The following AIG1 variants were observed in gnomAD, a reference collection of about 807,000 sequenced individuals.
AIG1 encodes androgen-induced gene 1 protein.
Under a neutral mutation model 31.4 loss-of-function variants are expected in AIG1, and 23 were observed. That is an observed-to-expected ratio of 0.73 (90% CI 0.53 to 1.04). The LOEUF is 1.04. AIG1 is among the 50% of genes least tolerant of loss of function. The pLI is 0.00. For synonymous variants in AIG1, 100 were observed against 110.5 expected (o/e 0.90, Z 0.60); for missense variants, 274 against 295.0 (o/e 0.93, Z 0.52).
chr6:143,119,219 A>G (rs541994208), intron 1 of AIG1, among the ~76,000 whole-genome samples: 16 of 152,260 alleles, frequency 1.1e-4, no homozygotes, highest in African/African-American at 2.4e-4. Flanking sequence ...CACGCTGGCT[A>G]TGTGGGGATT....
chr6:143,136,444 A>G (rs528351748), intron 1 of AIG1, among the ~76,000 whole-genome samples: 8 of 152,320 alleles, frequency 5.3e-5, no homozygotes, highest in Admixed American at 3.3e-4. Context: ...AAAACTCACT[A>G]GTTATATTGA....
intron 3 of AIG1, among the ~76,000 whole-genome samples, chr6:143,224,852 G>A (rs1792814047): frequency 6.6e-6 from 1 of 152,020 alleles, no homozygotes; most frequent in Admixed American, 6.6e-5. Context: ...CAGGTTCCTT[G>A]CCTTCCATTT....
downstream of AIG1, among the ~76,000 whole-genome samples, chr6:143,343,701 G>A (rs1777902343): frequency 6.6e-6 from 1 of 152,186 alleles, no homozygotes; most frequent in Non-Finnish European, 1.5e-5. Context: ...GTGTATGTGT[G>A]TGTGTGTGCA....
At chr6:143,227,107 C>T (rs1330674576) in intron 3 of AIG1, among the ~76,000 whole-genome samples, 1 of 151,734 alleles carries the variant, frequency 6.6e-6, no homozygotes, top group Non-Finnish European at 1.5e-5. Flanking sequence ...ATTGGACACC[C>T]ATGTCCTAAA....
Position 143,297,178 on chromosome 6 carries a change from G to A in AIG1, c.515+12953G>A, listed in dbSNP as rs1798484447. On this transcript the variant is annotated intron_variant, in intron 4 of 5. Coordinates refer to ENST00000357847, the MANE Select transcript of AIG1 (RefSeq NM_016108.4). This position sits in a 1 kb window ranked among gnomAD's most constrained non-coding sequence, Gnocchi z 5.1. Reference sequence around the variant, plus strand: ...TCCCGGAGGAAATGACATGTAAGCTGCCTCTTGGAGGGTGAATAAGAGTTA... The same window carrying A: ...TCCCGGAGGAAATGACATGTAAGCTACCTCTTGGAGGGTGAATAAGAGTTA... 6.6e-6 allele frequency among the ~76,000 whole-genome samples: 1 copy of A among 152,184 alleles called. No homozygotes were observed. Among genetic ancestry groups the A allele is most frequent in the African/African-American group, 2.4e-5 (1 of 41,440 alleles).
chr6:143,177,314 G>T lies in AIG1; in HGVS notation c.399+12131G>T, dbSNP rs1788264755. Among the ~76,000 whole-genome samples, 3 of 152,254 alleles carry T rather than the reference G, an allele frequency of 2.0e-5. No individual in the cohort carries two copies. The South Asian group carries it at 6.2e-4, about 32-fold the overall frequency. On this transcript the variant is annotated intron_variant, in intron 3 of 5. Transcript: ENST00000357847. ...TTAGATTGGTTTTCCTTTGGGGTCT[G>T]TTACTTAGAGAATTGTTGTGTTCTT...
chr6:143,315,508 A>G lies in AIG1; in HGVS notation c.516-17774A>G, dbSNP rs182472142. On this transcript the variant is annotated intron_variant, in intron 4 of 5. Transcript: ENST00000357847. Reference sequence around the variant, plus strand: ...AATGGAACAAAATAAAGAGCTAGAAATAGACTCTCACAAATGTAGGCAACT... The same window carrying G: ...AATGGAACAAAATAAAGAGCTAGAAGTAGACTCTCACAAATGTAGGCAACT... Among the ~76,000 whole-genome samples the G allele has an allele frequency of 2.0e-5, 3 of 152,254 alleles. 1 individual carries two copies. Among genetic ancestry groups the G allele is most frequent in the Admixed American group, 1.3e-4 (2 of 15,276 alleles).
At chr6:143,133,236 G>T (rs567964315) in intron 1 of AIG1, among the ~76,000 whole-genome samples, 33 of 151,952 alleles carry the variant, frequency 2.2e-4, no homozygotes, top group Non-Finnish European at 4.7e-4. Context: ...TTGTTTGAGG[G>T]CTATTTTTAA....
chr6:143,196,388 CACACA>C (rs1790239882), intron 3 of AIG1, among the ~76,000 whole-genome samples: 5 of 150,918 alleles, frequency 3.3e-5, no homozygotes, highest in Non-Finnish European at 5.9e-5. Context: ...CACACACACA[CACACA>C]CACCCCAATT....
intron 4 of AIG1, among the ~76,000 whole-genome samples, chr6:143,323,641 A>G (rs1776392902): frequency 6.6e-6 from 1 of 152,004 alleles, no homozygotes; most frequent in African/African-American, 2.4e-5. Context: ...CCCTGTTTCC[A>G]TCTAAGCTGA....
At chr6:143,265,493 CT>C (rs1796093119) in intron 3 of AIG1, among the ~76,000 whole-genome samples, 1 of 152,122 alleles carries the variant, frequency 6.6e-6, no homozygotes, top group Non-Finnish European at 1.5e-5. Flanking sequence ...CCCTCTTCCC[CT>C]CTCTCTGCCC....
upstream of AIG1, among the ~76,000 whole-genome samples, chr6:143,059,472 A>C (rs1298824081): frequency 6.6e-6 from 1 of 152,182 alleles, no homozygotes; most frequent in East Asian, 1.9e-4. Flanking sequence ...GTTTATAACC[A>C]TGTACCAAGG....
chr6:143,135,775 A>G (rs546440265), intron 1 of AIG1, among the ~76,000 whole-genome samples: 3 of 152,294 alleles, frequency 2.0e-5, no homozygotes, highest in African/African-American at 4.8e-5. Flanking sequence ...TCTACTGCCA[A>G]TGAGGAAATT....
rs1461612564 is a variant in AIG1 at position 143,299,425 on chromosome 6, C to T, written c.515+15200C>T. On this transcript the variant is annotated intron_variant, in intron 4 of 5. Transcript: ENST00000357847. The surrounding 1 kb of genome is among the most constrained non-coding windows in gnomAD (Gnocchi z 4.1). ...ATCTAAGTCTACCAGCAGTATATGA[C>T]CAGAAGCATTACAGGAACAGCATGG... The T allele has an allele frequency of 6.6e-6, 1 of 152,146 alleles. No individual in the cohort carries two copies. Among genetic ancestry groups the T allele is most frequent in the Admixed American group, 6.5e-5 (1 of 15,274 alleles). 9.4% of individuals were successfully genotyped at this position (152,146 alleles called of 1,614,324 possible).
At chr6:143,155,013 A>ATTTTTTTTTTT (rs61017846) in intron 2 of AIG1, among the ~76,000 whole-genome samples, 7 of 123,972 alleles carry the variant, frequency 5.6e-5, no homozygotes, top group Non-Finnish European at 8.8e-5. Context: ...ACATCTGGCT[A>ATTTTTTTTTTT]TTTTTTTTTT....
At chr6:143,098,269 G>A (rs1272734258) in intron 1 of AIG1, among the ~76,000 whole-genome samples, 1 of 152,330 alleles carries the variant, frequency 6.6e-6, no homozygotes, top group East Asian at 1.9e-4. Context: ...AACACATACA[G>A]TGGCTAATTC....
intron 1 of AIG1, among the ~76,000 whole-genome samples, chr6:143,065,478 T>TACATTCAC: frequency 6.6e-6 from 1 of 151,764 alleles, no homozygotes; most frequent in South Asian, 2.1e-4. Context: ...GTGATGTGGA[T>TACATTCAC]TCATTCACTA....
At chr6:143,214,132 A>C (rs1185634112) in intron 3 of AIG1, among the ~76,000 whole-genome samples, 1 of 152,214 alleles carries the variant, frequency 6.6e-6, no homozygotes, top group Non-Finnish European at 1.5e-5. Context: ...AAGTAACAGA[A>C]GGGAAATGCC....
intron 3 of AIG1, among the ~76,000 whole-genome samples, chr6:143,237,428 T>G (rs1490381755): frequency 6.6e-6 from 1 of 152,206 alleles, no homozygotes; most frequent in Non-Finnish European, 1.5e-5. Flanking sequence ...GAACATACGG[T>G]ATGCAGGCAT....
Sources: gnomAD v4.1 joint callset for allele counts (sites outside exome capture counted in the v4.1 genomes callset) on GRCh38, gnomAD v4.1.1 for gene constraint, Gnocchi (gnomAD v3.1) non-coding constraint, MANE v1.5 for transcripts, NCBI Gene and HGNC (gene_info 2026-07-23, HGNC 2026-07-21) for gene names.